The following STPG2 variants were observed in gnomAD, a reference collection of about 807,000 sequenced individuals.
STPG2 encodes the protein sperm-tail PG-rich repeat-containing protein 2.
STPG2 carries 56 observed loss-of-function variants against 54.2 expected under a neutral mutation model. The observed-to-expected ratio is 1.03, with a 90% CI of 0.83 to 1.29. The LOEUF (loss-of-function observed/expected upper bound fraction) is 1.29, where lower values mean the gene tolerates loss of function less well. STPG2 is among the 50% of genes most tolerant of loss of function. The pLI, the probability that STPG2 is intolerant of heterozygous loss-of-function variation, is 0.00. For missense variants in STPG2, 596 were observed against 544.9 expected, an observed-to-expected ratio of 1.09 and a Z score of -0.93; for synonymous variants, 200 against 181.8, an observed-to-expected ratio of 1.10 and a Z score of -0.81.
intron 8 of STPG2, among the ~76,000 whole-genome samples, chr4:97,910,996 T>C (rs748469191): frequency 1.3e-5 from 2 of 152,000 alleles, no homozygotes; most frequent in Admixed American, 6.5e-5. Flanking sequence ...GTGACCCATG[T>C]AGAGAGAGGA....
At position 98,011,597 on chromosome 4, in the gene STPG2, C is replaced by G. The variant is rs549361467; in HGVS notation, c.613-30279G>C. On this transcript the variant is annotated intron_variant, in intron 5 of 10. Coordinates refer to ENST00000295268, the MANE Select transcript of STPG2 (RefSeq NM_174952.3). ...CACCAACAGCGTAAAAGCATTCCTA[C>G]TTTTCCACAGCCTCACCACCATCTG... Among the ~76,000 whole-genome samples the G allele has an allele frequency of 3.3e-5, 5 of 152,230 alleles. No individual in the cohort carries two copies. In the South Asian group the frequency reaches 1.0e-3, roughly 32 times the overall value.
In STPG2 at chr4:97,895,784, C is replaced by T. The variant is rs1001375519; in HGVS notation, c.1044+48113G>A. ...GTTACGGGCTCATGTTACTGAAAAA[C>T]CTAGAGCAATGGCTCTCAATCCTGT... On this transcript the variant is annotated intron_variant, in intron 8 of 10. Transcript: ENST00000295268. Among the ~76,000 whole-genome samples, 10 of 151,848 alleles carry T rather than the reference C, an allele frequency of 6.6e-5. No homozygotes were observed. The East Asian group carries it at 7.7e-4, about 12-fold the overall frequency.
At chr4:97,885,881 T>C (rs1182223461) in intron 8 of STPG2, among the ~76,000 whole-genome samples, 1 of 151,756 alleles carries the variant, frequency 6.6e-6, no homozygotes, top group East Asian at 1.9e-4. Flanking sequence ...AATACAAAGA[T>C]AAAAACTATT....
intron 8 of STPG2, among the ~76,000 whole-genome samples, chr4:97,918,204 C>T (rs554020412): frequency 1.3e-5 from 2 of 151,928 alleles, no homozygotes; most frequent in Non-Finnish European, 2.9e-5. Context: ...CTATCTTTTC[C>T]AACAAAAGGT....
intron 9 of STPG2, among the ~76,000 whole-genome samples, chr4:97,774,397 C>A (rs747050939): frequency 2.0e-5 from 3 of 152,118 alleles, no homozygotes; most frequent in Non-Finnish European, 4.4e-5. Flanking sequence ...TTATTTTCTT[C>A]AGCCTCATCA....
intron 10 of STPG2, among the ~76,000 whole-genome samples, chr4:97,641,142 A>G (rs931724657): frequency 6.6e-6 from 1 of 151,692 alleles, no homozygotes; most frequent in Non-Finnish European, 1.5e-5. Flanking sequence ...ACAAAGAAAG[A>G]TAAAAGAAAT....
intron 5 of STPG2, among the ~76,000 whole-genome samples, chr4:98,041,609 A>C (rs1358662080): frequency 1.3e-5 from 2 of 151,370 alleles, no homozygotes; most frequent in Non-Finnish European, 3.0e-5. Context: ...TTTTGTTTTT[A>C]ATTTTGTTTA....
intron 10 of STPG2, among the ~76,000 whole-genome samples, chr4:97,709,746 C>A (rs972596920): frequency 6.6e-6 from 1 of 151,490 alleles, no homozygotes; most frequent in Admixed American, 6.6e-5. Context: ...TTATCTAAAC[C>A]TTAAAAAAAC....
rs1729981183 is a variant in STPG2 at position 97,473,138 on chromosome 4, G to A, written c.462+239561C>T. ...GATAATTGCGTTAACTGCACAAATT[G>A]TAGAGCATGTGTGTTTGAACAATAT... is the stretch of plus-strand genomic sequence containing the variant. On this transcript the variant is annotated intron_variant, in intron 4 of 4. Coordinates refer to the STPG2 transcript ENST00000522676. Among the ~76,000 whole-genome samples, 4 of 152,076 alleles carry A rather than the reference G, an allele frequency of 2.6e-5. No individual in the cohort carries two copies. In the South Asian group the frequency reaches 8.3e-4, roughly 32 times the overall value.
intron 10 of STPG2, among the ~76,000 whole-genome samples, chr4:97,645,816 T>C (rs1295127567): frequency 6.6e-6 from 1 of 152,090 alleles, no homozygotes; most frequent in Non-Finnish European, 1.5e-5. Context: ...TGTTTATAGA[T>C]TCCCTCTAAA....
intron 8 of STPG2, among the ~76,000 whole-genome samples, chr4:97,860,910 G>A (rs1405833483): frequency 6.6e-6 from 1 of 152,054 alleles, no homozygotes; most frequent in Non-Finnish European, 1.5e-5. Flanking sequence ...TTTCCTTGGG[G>A]AAACTCTCCA....
At chr4:97,995,847 A>G (rs907481789) in intron 5 of STPG2, among the ~76,000 whole-genome samples, 3 of 152,162 alleles carry the variant, frequency 2.0e-5, no homozygotes, top group African/African-American at 7.2e-5. Flanking sequence ...CACATGTTGA[A>G]GGAAGGCATG....
intron 5 of STPG2, among the ~76,000 whole-genome samples, chr4:98,066,407 G>A (rs1401888045): frequency 1.3e-5 from 2 of 152,050 alleles, no homozygotes; most frequent in Non-Finnish European, 2.9e-5. Flanking sequence ...TGGCCAACAT[G>A]GTGAAACTCC....
intron 8 of STPG2, among the ~76,000 whole-genome samples, chr4:97,930,056 G>A (rs1253338501): frequency 2.0e-5 from 3 of 151,910 alleles, no homozygotes; most frequent in African/African-American, 4.8e-5. Context: ...GCACCACCAC[G>A]CCCAGCTAAT....
At chr4:98,101,962 T>G (rs1739052035) in intron 5 of STPG2, among the ~76,000 whole-genome samples, 1 of 151,324 alleles carries the variant, frequency 6.6e-6, no homozygotes, top group Non-Finnish European at 1.5e-5. Context: ...ACAATCTTTA[T>G]AGCTCCAACC....
chr4:98,090,033 T>A (rs974282445), intron 5 of STPG2, among the ~76,000 whole-genome samples: 4 of 152,162 alleles, frequency 2.6e-5, no homozygotes, highest in Admixed American at 6.5e-5. Context: ...TCTTTTGCTG[T>A]GCTGAAACTT....
intron 4 of STPG2, among the ~76,000 whole-genome samples, chr4:97,482,217 T>C (rs1477832512): frequency 1.3e-5 from 2 of 151,616 alleles, no homozygotes; most frequent in Non-Finnish European, 3.0e-5. Context: ...TTGTATGTTA[T>C]TGAATATGAT....
At chr4:97,541,077 T>A (rs939249805) in intron 4 of STPG2, among the ~76,000 whole-genome samples, 4 of 152,136 alleles carry the variant, frequency 2.6e-5, no homozygotes, top group Non-Finnish European at 4.4e-5. Flanking sequence ...GGATGACTTC[T>A]CTCAACACTC....
chr4:97,791,511 ATAATCCCT>A lies in STPG2; in HGVS notation c.1204+49254_1204+49261del, dbSNP rs538537060. 3.4e-3 allele frequency among the ~76,000 whole-genome samples: 513 copies of A among 152,266 alleles called. 2 individuals are homozygous for A. Among genetic ancestry groups the A allele is most frequent in the Non-Finnish European group, 6.1e-3 (418 of 67,994 alleles). ...AAGTCAGAAATACTTTAGAATACAA[ATAATCCCT>A]GTGAAATATAGTTTATATATTAAAG... is the stretch of plus-strand genomic sequence containing the variant. On this transcript the variant is annotated intron_variant, in intron 9 of 10. Coordinates refer to ENST00000295268, the MANE Select transcript of STPG2 (RefSeq NM_174952.3).
Sources: gnomAD v4.1 joint callset for allele counts (sites outside exome capture counted in the v4.1 genomes callset) on GRCh38, gnomAD v4.1.1 for gene constraint, MANE v1.5 for transcripts, NCBI Gene and HGNC (gene_info 2026-07-23, HGNC 2026-07-21) for gene names.